SIPA1L1: variants seen among roughly 807,000 people sequenced by gnomAD.
The protein encoded by SIPA1L1 is signal-induced proliferation-associated 1-like protein 1.
Under a neutral mutation model 162.7 loss-of-function variants are expected in SIPA1L1, and 26 were observed. The observed-to-expected ratio is 0.16, with a 90% CI of 0.12 to 0.22. The LOEUF is 0.22. Ranked by LOEUF, SIPA1L1 falls within the 10% of genes least tolerant of loss-of-function variation. SIPA1L1 has a pLI of 1.00. For missense variants in SIPA1L1, 1,874 were observed against 2,241.0 expected, an observed-to-expected ratio of 0.84 and a Z score of 3.31; for synonymous variants, 829 against 837.4, an observed-to-expected ratio of 0.99 and a Z score of 0.17.
chr14:71,626,996 A>G (rs997167611), intron 7 of SIPA1L1, among the ~76,000 whole-genome samples: 3 of 151,994 alleles, frequency 2.0e-5, no homozygotes, highest in Non-Finnish European at 4.4e-5. Context: ...ATTTAACTTG[A>G]CAGTGATATA....
intron 20 of SIPA1L1, 80 bp from the exon 21 acceptor site, chr14:71,733,586 G>A: frequency 7.2e-7 from 1 of 1,395,484 alleles, no homozygotes; most frequent in Non-Finnish European, 9.9e-7. Flanking sequence ...ACAATCTATT[G>A]TGGTAACAGG....
intron 4 of SIPA1L1, among the ~76,000 whole-genome samples, chr14:71,554,956 A>G (rs569879660): frequency 6.6e-6 from 1 of 152,254 alleles, no homozygotes; most frequent in East Asian, 1.9e-4. Flanking sequence ...TAAAAAAAAA[A>G]CAACAATTTC....
intron 2 of SIPA1L1, among the ~76,000 whole-genome samples, chr14:71,366,004 G>A (rs1223922450): frequency 6.6e-6 from 1 of 151,840 alleles, no homozygotes; most frequent in Non-Finnish European, 1.5e-5. Flanking sequence ...GGGATTACAG[G>A]CATGAGCCAC....
At chr14:71,450,680 T>C (rs1204537764) in intron 2 of SIPA1L1, among the ~76,000 whole-genome samples, 1 of 151,046 alleles carries the variant, frequency 6.6e-6, no homozygotes, top group African/African-American at 2.4e-5. Flanking sequence ...ATGGCTGTTA[T>C]TAAAACCTGT....
At chr14:71,418,545 C>T (rs1566997523) in intron 2 of SIPA1L1, among the ~76,000 whole-genome samples, 1 of 152,126 alleles carries the variant, frequency 6.6e-6, no homozygotes. Flanking sequence ...TTTTTGAAGA[C>T]CTGGCTTCTG....
chr14:71,634,360 C>A (rs1233561167), intron 7 of SIPA1L1, among the ~76,000 whole-genome samples: 1 of 150,076 alleles, frequency 6.7e-6, no homozygotes, highest in African/African-American at 2.5e-5. Flanking sequence ...CAAGATCACG[C>A]CACTGCACTC....
intron 2 of SIPA1L1, among the ~76,000 whole-genome samples, chr14:71,409,724 AAACTC>A (rs2042273967): frequency 6.6e-6 from 1 of 152,202 alleles, no homozygotes; most frequent in Non-Finnish European, 1.5e-5. Context: ...ATTACTCACT[AAACTC>A]TGGGAGTGAT....
chr14:71,635,108 T>C (rs566091268), intron 7 of SIPA1L1, among the ~76,000 whole-genome samples: 3 of 152,068 alleles, frequency 2.0e-5, no homozygotes, highest in Non-Finnish European at 2.9e-5. Context: ...TGAAACCCCG[T>C]CTCTACTAAA....
intron 3 of SIPA1L1, among the ~76,000 whole-genome samples, chr14:71,513,939 C>G (rs145167255): frequency 6.6e-6 from 1 of 152,128 alleles, no homozygotes; most frequent in Admixed American, 6.5e-5. Flanking sequence ...GGGAGTCCTC[C>G]GCTGTTGCTC....
chr14:71,492,601 C>T (rs1317448460), intron 2 of SIPA1L1, among the ~76,000 whole-genome samples: 1 of 152,080 alleles, frequency 6.6e-6, no homozygotes, highest in African/African-American at 2.4e-5. Context: ...CAGGCCCGTG[C>T]GGTAGCTCTT....
At chr14:71,677,553 G>C (rs535181041) in intron 12 of SIPA1L1, among the ~76,000 whole-genome samples, 1 of 152,074 alleles carries the variant, frequency 6.6e-6, no homozygotes, top group African/African-American at 2.4e-5. Flanking sequence ...TTGCCCTTGC[G>C]TATGTCCTGA....
chr14:71,631,105 G>A (rs2040527565), intron 7 of SIPA1L1, among the ~76,000 whole-genome samples: 1 of 152,044 alleles, frequency 6.6e-6, no homozygotes, highest in Non-Finnish European at 1.5e-5. Flanking sequence ...CCACCTATGA[G>A]TGAGAACATG....
At chr14:71,608,800 C>T (rs1180355888) in intron 5 of SIPA1L1, among the ~76,000 whole-genome samples, 1 of 152,042 alleles carries the variant, frequency 6.6e-6, no homozygotes, top group Non-Finnish European at 1.5e-5. Context: ...GAGGCTGAAG[C>T]AGAGGAATTG....
intron 2 of SIPA1L1, among the ~76,000 whole-genome samples, chr14:71,373,636 G>A (rs1365093831): frequency 6.9e-6 from 1 of 144,268 alleles, no homozygotes; most frequent in Non-Finnish European, 1.5e-5. Flanking sequence ...CACCTTGGGT[G>A]ACAGAGTGAG....
chr14:71,675,827 G>C (rs1416024739), intron 12 of SIPA1L1, among the ~76,000 whole-genome samples: 1 of 152,102 alleles, frequency 6.6e-6, no homozygotes, highest in African/African-American at 2.4e-5. Context: ...CAAGCAAGGG[G>C]GTGCGGGAGG....
intron 7 of SIPA1L1, among the ~76,000 whole-genome samples, chr14:71,626,862 T>C (rs2040045410): frequency 1.3e-5 from 2 of 152,252 alleles, no homozygotes. Flanking sequence ...CATTTTGCCT[T>C]TCAAATCTTT....
intron 8 of SIPA1L1, among the ~76,000 whole-genome samples, chr14:71,657,426 C>G (rs993231031): frequency 1.3e-5 from 2 of 151,752 alleles, no homozygotes; most frequent in African/African-American, 4.8e-5. Context: ...CCTTTTGCAA[C>G]CCCTAAGTCC....
chr14:71,492,139 G>A (rs2049334175), intron 2 of SIPA1L1, among the ~76,000 whole-genome samples: 2 of 152,174 alleles, frequency 1.3e-5, no homozygotes, highest in South Asian at 4.1e-4. Context: ...CCAGGGCTGA[G>A]TGCAAAGAGG....
At chr14:71,680,436 G>A (rs1028384928) in intron 12 of SIPA1L1, among the ~76,000 whole-genome samples, 1 of 152,194 alleles carries the variant, frequency 6.6e-6, no homozygotes, top group African/African-American at 2.4e-5. Flanking sequence ...GGTGTGTAGA[G>A]GGAAACTTAT....
Sources: gnomAD v4.1 joint callset for allele counts (sites outside exome capture counted in the v4.1 genomes callset) on GRCh38, gnomAD v4.1.1 for gene constraint, MANE v1.5 for transcripts, NCBI Gene and HGNC (gene_info 2026-07-23, HGNC 2026-07-21) for gene names.